Variants in PDE3A observed in about 807,000 individuals in gnomAD.
PDE3A encodes the protein phosphodiesterase 3A, also known as cGMP-inhibited 3',5'-cyclic phosphodiesterase 3A.
A neutral mutation model predicts 98.3 loss-of-function variants in PDE3A; 43 were observed. The observed-to-expected ratio is 0.44, with a 90% CI of 0.34 to 0.56. The LOEUF is 0.56. Ranked by LOEUF, PDE3A falls within the 20% of genes least tolerant of loss-of-function variation. PDE3A has a pLI of 0.01. For synonymous variants in PDE3A, 663 were observed against 567.9 expected (o/e 1.17, Z -2.38); for missense variants, 1,427 against 1,440.7 (o/e 0.99, Z 0.15).
chr12:20,596,318 A>G (rs573931155), intron 2 of PDE3A, among the ~76,000 whole-genome samples: 1 of 152,218 alleles, frequency 6.6e-6, no homozygotes, highest in East Asian at 1.9e-4. Context: ...GTGGGGTATC[A>G]TTTTGAAATA....
At chr12:20,389,167 T>C (rs554259056) in intron 1 of PDE3A, among the ~76,000 whole-genome samples, 1 of 152,144 alleles carries the variant, frequency 6.6e-6, no homozygotes, top group South Asian at 2.1e-4. Flanking sequence ...TAGCTGATTA[T>C]GCTTGCGATG....
chr12:20,521,556 G>T (rs1056979396), intron 1 of PDE3A, among the ~76,000 whole-genome samples: 2 of 152,132 alleles, frequency 1.3e-5, no homozygotes, highest in African/African-American at 4.8e-5. Context: ...AGATATATGT[G>T]TGTATTTTAT....
chr12:20,418,532 T>C (rs1012771119), intron 1 of PDE3A, among the ~76,000 whole-genome samples: 3 of 152,226 alleles, frequency 2.0e-5, no homozygotes, highest in African/African-American at 4.8e-5. Context: ...TTGTATTTAA[T>C]GTGGTTATAT....
At chr12:20,560,396 A>G (rs1048824392) in intron 2 of PDE3A, among the ~76,000 whole-genome samples, 1 of 152,214 alleles carries the variant, frequency 6.6e-6, no homozygotes, top group South Asian at 2.1e-4. Context: ...AAGTAGTTAC[A>G]CCAAGGAGAG....
rs935381260 is a variant in PDE3A at position 20,685,674 on chromosome 12, T to A, written c.*5403T>A. On this transcript the variant is annotated 3_prime_UTR_variant, in exon 16 of 16. Coordinates refer to ENST00000359062, the MANE Select transcript of PDE3A (RefSeq NM_000921.5). ...CAGATACAGCTAGTTTTTCTCCACA[T>A]GTTTTTAAGGTTGATTTCCTTGACA... Among the ~76,000 whole-genome samples, 1 of 152,190 alleles carries A rather than the reference T, an allele frequency of 6.6e-6. No individual in the cohort carries two copies. Among genetic ancestry groups the A allele is most frequent in the Non-Finnish European group, 1.5e-5 (1 of 68,022 alleles).
chr12:20,546,228 G>C (rs570769299), intron 1 of PDE3A, among the ~76,000 whole-genome samples: 1 of 152,176 alleles, frequency 6.6e-6, no homozygotes, highest in African/African-American at 2.4e-5. Context: ...CTGATAAACA[G>C]TATATGGCAA....
chr12:20,533,027 C>T lies in PDE3A; in HGVS notation c.961-23633C>T, dbSNP rs577322272. 3.9e-5 allele frequency among the ~76,000 whole-genome samples: 6 copies of T among 152,208 alleles called. No individual in the cohort carries two copies. In the South Asian group the frequency reaches 6.2e-4, roughly 16 times the overall value. ...ACACAGTCAACAAGAATATATTAAG[C>T]GTCCCATGCTATATTGAGATAACTT... On this transcript the variant is annotated intron_variant, in intron 1 of 15. Transcript: ENST00000359062.
At chr12:20,467,476 T>A (rs1945358773) in intron 1 of PDE3A, among the ~76,000 whole-genome samples, 1 of 152,156 alleles carries the variant, frequency 6.6e-6, no homozygotes, top group African/African-American at 2.4e-5. Context: ...TATGCTTGCT[T>A]ATATAAAGGA....
chr12:20,465,392 A>C (rs1024218313), intron 1 of PDE3A, among the ~76,000 whole-genome samples: 1 of 151,986 alleles, frequency 6.6e-6, no homozygotes, highest in African/African-American at 2.4e-5. Context: ...AATTTTTAAA[A>C]ATTTATTTAT....
At chr12:20,631,799 A>C (rs1047726089) in intron 6 of PDE3A, among the ~76,000 whole-genome samples, 1 of 150,192 alleles carries the variant, frequency 6.7e-6, no homozygotes, top group Admixed American at 6.7e-5. Flanking sequence ...CTACTTGTTC[A>C]GTAATGTTTA....
rs1158597331 is a variant in PDE3A, at chr12:20,386,308, TAAAA to T, written c.960+16070_960+16073del. On this transcript the variant is annotated intron_variant, in intron 1 of 15. Coordinates refer to ENST00000359062, the MANE Select transcript of PDE3A (RefSeq NM_000921.5). ...ATATTATAGTATAATAAAAAAATAC[TAAAA>T]AAAAATTGCCATTCTGACTGGCATG... is the stretch of plus-strand genomic sequence containing the variant. 4.9e-5 allele frequency among the ~76,000 whole-genome samples: 7 copies of T among 141,640 alleles called. No individual in the cohort carries two copies. In the East Asian group the frequency reaches 1.4e-3, roughly 28 times the overall value. The allele number at this position is 141,640 out of a possible 152,430, so 92.9% of individuals were successfully genotyped here. A position where few individuals can be genotyped will look rare whatever the true frequency, so the allele number is the denominator to read the frequency against.
chr12:20,510,880 T>G (rs780960522), intron 1 of PDE3A, among the ~76,000 whole-genome samples: 2 of 152,064 alleles, frequency 1.3e-5, no homozygotes, highest in African/African-American at 4.8e-5. Flanking sequence ...CCTTCATTCA[T>G]TTGCTCAAAA....
intron 1 of PDE3A, among the ~76,000 whole-genome samples, chr12:20,537,288 A>G (rs981772841): frequency 6.6e-6 from 1 of 152,084 alleles, no homozygotes; most frequent in Non-Finnish European, 1.5e-5. Flanking sequence ...TCTGTATTTC[A>G]TATACAAGCT....
chr12:20,556,765 C>T (rs1942380020), intron 2 of PDE3A, 55 bp downstream of exon 2: 10 of 1,260,500 alleles, frequency 7.9e-6, no homozygotes, highest in South Asian at 2.4e-5. Flanking sequence ...CTTTCAGCCA[C>T]GGGTTTTCTA....
Position 20,636,999 on chromosome 12 carries a change from T to C in PDE3A, c.2002-101T>C, listed in dbSNP as rs551053832. On this transcript the variant is annotated intron_variant, in intron 8 of 15. Coordinates refer to ENST00000359062, the MANE Select transcript of PDE3A (RefSeq NM_000921.5). Reference sequence around the variant, plus strand: ...TATTCACCTTGGAGTTTTAAGTCATTTATTTCCGATAGCCACAGTTGTTAT... The same window carrying C: ...TATTCACCTTGGAGTTTTAAGTCATCTATTTCCGATAGCCACAGTTGTTAT... 1.4e-5 allele frequency: 10 copies of C among 736,910 alleles called. No individual in the cohort carries two copies. In the Admixed American group the frequency reaches 3.4e-4, roughly 25 times the overall value. 45.6% of individuals were successfully genotyped at this position (736,910 alleles called of 1,614,324 possible).
At position 20,369,156 on chromosome 12, in the gene PDE3A, G is replaced by A; in HGVS notation, c.-129G>A. ...GGATTGTGGGCCTGGGGAGAAGAAGGATTCCGAGGGTGGAATTGGGAAGAG... is the reference window on the plus strand; with the variant it reads ...GGATTGTGGGCCTGGGGAGAAGAAGAATTCCGAGGGTGGAATTGGGAAGAG... On this transcript the variant is annotated 5_prime_UTR_variant, in exon 1 of 16. Transcript: ENST00000359062. 1.6e-6 allele frequency: 1 copy of A among 621,734 alleles called. No individual in the cohort carries two copies. The highest frequency in any genetic ancestry group is 2.7e-6 in the Non-Finnish European group (1 of 370,604). 38.5% of individuals were successfully genotyped at this position (621,734 alleles called of 1,614,324 possible).
intron 1 of PDE3A, among the ~76,000 whole-genome samples, chr12:20,453,530 C>T (rs909375827): frequency 3.3e-5 from 5 of 151,880 alleles, no homozygotes; most frequent in African/African-American, 1.2e-4. Context: ...ATACAGGTGG[C>T]AAAAACAATG....
At chr12:20,606,245 A>G (rs1274823610) in intron 2 of PDE3A, among the ~76,000 whole-genome samples, 1 of 151,846 alleles carries the variant, frequency 6.6e-6, no homozygotes, top group African/African-American at 2.4e-5. Context: ...TCACATAATT[A>G]TTTCCTAAGC....
chr12:20,373,455 T>C (rs190685308), intron 1 of PDE3A, among the ~76,000 whole-genome samples: 62 of 152,268 alleles, frequency 4.1e-4, no homozygotes, highest in Admixed American at 3.8e-3. Context: ...ATGTAAAATT[T>C]TAATTTTGCA....
Sources: allele counts gnomAD v4.1 joint callset (sites outside exome capture counted in the v4.1 genomes callset), GRCh38; gene constraint gnomAD v4.1.1; transcripts MANE v1.5; gene names NCBI Gene and HGNC (gene_info 2026-07-23, HGNC 2026-07-21).